The following ZHX3 variants were observed in gnomAD, a reference collection of about 807,000 sequenced individuals.
ZHX3 encodes the protein zinc fingers and homeoboxes protein 3.
ZHX3 carries 20 observed loss-of-function variants against 64.5 expected under a neutral mutation model. The ratio of observed to expected loss-of-function variants is 0.31; its 90% CI spans 0.22 to 0.45. The LOEUF is 0.45. Ranked by LOEUF, ZHX3 falls within the 20% of genes least tolerant of loss-of-function variation. The probability of loss-of-function intolerance (pLI) is 1.00; values close to 1 mark genes in which losing one functional copy is unlikely to be tolerated. For synonymous variants in ZHX3, 423 were observed against 461.6 expected (o/e 0.92, Z 1.07); for missense variants, 1,041 against 1,195.8 (o/e 0.87, Z 1.91).
intron 1 of ZHX3, among the ~76,000 whole-genome samples, chr20:41,289,180 G>C (rs1489963570): frequency 1.3e-5 from 2 of 150,692 alleles, no homozygotes; most frequent in East Asian, 3.9e-4. Flanking sequence ...TTTTTGTAGA[G>C]ACAGGGAGAC....
At chr20:41,247,922 G>A (rs2041791767) in intron 2 of ZHX3, among the ~76,000 whole-genome samples, 1 of 152,122 alleles carries the variant, frequency 6.6e-6, no homozygotes, top group Non-Finnish European at 1.5e-5. Context: ...ACTCTGCCTA[G>A]GCCATTCCCC....
intron 2 of ZHX3, among the ~76,000 whole-genome samples, chr20:41,221,716 C>T (rs924574874): frequency 1.3e-5 from 2 of 152,188 alleles, no homozygotes; most frequent in African/African-American, 4.8e-5. Flanking sequence ...AGAGAACTCA[C>T]TGAGAATGTG....
intron 2 of ZHX3, among the ~76,000 whole-genome samples, chr20:41,239,193 T>C (rs1408042551): frequency 6.6e-6 from 1 of 151,286 alleles, no homozygotes; most frequent in Non-Finnish European, 1.5e-5. Context: ...TATTTTTTAG[T>C]AGAAACGGGG....
chr20:41,242,736 A>G (rs1421903071), intron 2 of ZHX3, among the ~76,000 whole-genome samples: 2 of 152,194 alleles, frequency 1.3e-5, no homozygotes, highest in Non-Finnish European at 2.9e-5. Flanking sequence ...ACAGACTTCT[A>G]TTCTGTTCTA....
chr20:41,295,932 T>C (rs1233493084), intron 1 of ZHX3, among the ~76,000 whole-genome samples: 1 of 151,790 alleles, frequency 6.6e-6, no homozygotes, highest in African/African-American at 2.4e-5. Flanking sequence ...AGAAATGAAA[T>C]AGTAAAAGGT....
At chr20:41,217,920 G>C (rs1568842945) in intron 2 of ZHX3, among the ~76,000 whole-genome samples, 1 of 152,158 alleles carries the variant, frequency 6.6e-6, no homozygotes. Context: ...TCCACTACCT[G>C]TAACTATTTT....
chr20:41,235,214 CA>C (rs1224878465), intron 2 of ZHX3, among the ~76,000 whole-genome samples: 1 of 151,216 alleles, frequency 6.6e-6, no homozygotes, highest in African/African-American at 2.4e-5. Context: ...AACAAACAAA[CA>C]AAAAAACCGG....
chr20:41,193,815 T>C (rs990292183), intron 3 of ZHX3, among the ~76,000 whole-genome samples: 1 of 151,822 alleles, frequency 6.6e-6, no homozygotes, highest in Non-Finnish European at 1.5e-5. Context: ...CAAGTGATTC[T>C]CCTGCCTCAG....
At position 41,228,409 on chromosome 20, in the gene ZHX3, G is replaced by A. The variant is rs114434640; in HGVS notation, c.-150-23343C>T. On this transcript the variant is annotated intron_variant, in intron 2 of 3. Coordinates refer to ENST00000683867, the MANE Select transcript of ZHX3 (RefSeq NM_001384317.1). This position sits in a 1 kb window ranked among gnomAD's most constrained non-coding sequence, Gnocchi z 4.6. ...CACCTCTCACCATTTGTCTTAGTCC[G>A]TTCGGGGTGCTATAACAAAAACATC... Among the ~76,000 whole-genome samples, 266 of 152,250 alleles carry A rather than the reference G, an allele frequency of 1.7e-3. No homozygotes were observed. Among genetic ancestry groups the A allele is most frequent in the African/African-American group, 6.2e-3 (258 of 41,526 alleles).
chr20:41,196,338 CATAT>C (rs1221991922), intron 3 of ZHX3, among the ~76,000 whole-genome samples: 40 of 91,420 alleles, frequency 4.4e-4, no homozygotes, highest in African/African-American at 1.5e-3. Context: ...ATTTTTATTT[CATAT>C]ATAAATATAT....
chr20:41,189,124 A>G (rs2036788515), intron 3 of ZHX3, among the ~76,000 whole-genome samples: 1 of 152,044 alleles, frequency 6.6e-6, no homozygotes, highest in Admixed American at 6.6e-5. Context: ...TGTTCTTGGC[A>G]CCTTTGTTGA....
At chr20:41,231,643 C>T (rs2040613468) in intron 2 of ZHX3, among the ~76,000 whole-genome samples, 1 of 152,074 alleles carries the variant, frequency 6.6e-6, no homozygotes, top group South Asian at 2.1e-4. Context: ...TCTTTGGGTC[C>T]TCAATCCTTA....
intron 2 of ZHX3, among the ~76,000 whole-genome samples, chr20:41,217,566 G>A (rs894378939): frequency 1.3e-5 from 2 of 152,110 alleles, no homozygotes; most frequent in African/African-American, 4.8e-5. Flanking sequence ...ATCAGATGCA[G>A]CCACCCACCC....
chr20:41,200,925 C>CTTTTTA lies in ZHX3; in HGVS notation c.2860+1131_2860+1132insTAAAAA, dbSNP rs2038165834. On this transcript the variant is annotated intron_variant, in intron 3 of 3. Coordinates refer to ENST00000683867, the MANE Select transcript of ZHX3 (RefSeq NM_001384317.1). The surrounding 1 kb of genome is among the most constrained non-coding windows in gnomAD (Gnocchi z 4.2). ...TTCAGAGAAAGAAAAAGAATTTTGTCCTTTTTAAGACATCCTAAGTAGAAA... is the reference window on the plus strand; with the variant it reads ...TTCAGAGAAAGAAAAAGAATTTTGTCTTTTTACTTTTTAAGACATCCTAAGTAGAAA... Among the ~76,000 whole-genome samples the CTTTTTA allele has an allele frequency of 6.6e-6, 1 of 152,182 alleles. No homozygotes were observed. Among genetic ancestry groups the CTTTTTA allele is most frequent in the Non-Finnish European group, 1.5e-5 (1 of 68,016 alleles).
At chr20:41,304,647 G>A (rs1256891673) in intron 1 of ZHX3, among the ~76,000 whole-genome samples, 1 of 152,168 alleles carries the variant, frequency 6.6e-6, no homozygotes, top group Non-Finnish European at 1.5e-5. Context: ...TTTAAGAACT[G>A]GCTCACGCAA....
chr20:41,189,437 C>G (rs1316230859), intron 3 of ZHX3, among the ~76,000 whole-genome samples: 7 of 152,052 alleles, frequency 4.6e-5, no homozygotes, highest in Non-Finnish European at 8.8e-5. Flanking sequence ...GACAGTGTGG[C>G]CATTTTAATA....
chr20:41,313,197 G>A (rs1360565997), intron 1 of ZHX3, among the ~76,000 whole-genome samples: 1 of 152,134 alleles, frequency 6.6e-6, no homozygotes, highest in Non-Finnish European at 1.5e-5. Flanking sequence ...GAGTAAGGAA[G>A]GGTCAGGAAT....
chr20:41,213,443 G>C (rs886904366), intron 2 of ZHX3, among the ~76,000 whole-genome samples: 1 of 152,152 alleles, frequency 6.6e-6, no homozygotes, highest in Non-Finnish European at 1.5e-5. Flanking sequence ...ACTCACCTTG[G>C]TAATATTTAC....
chr20:41,299,293 A>G (rs113400503), intron 1 of ZHX3, among the ~76,000 whole-genome samples: 15 of 152,316 alleles, frequency 9.8e-5, no homozygotes, highest in African/African-American at 2.2e-4. Flanking sequence ...GCCCAACACT[A>G]TATCAAAAAA....
Sources: allele counts gnomAD v4.1 joint callset (sites outside exome capture counted in the v4.1 genomes callset), GRCh38; gene constraint gnomAD v4.1.1; non-coding constraint Gnocchi (gnomAD v3.1); transcripts MANE v1.5; gene names NCBI Gene and HGNC (gene_info 2026-07-23, HGNC 2026-07-21).